The following FAM171A1 variants were observed in gnomAD, a reference collection of about 807,000 sequenced individuals.
FAM171A1 encodes protein FAM171A1.
FAM171A1 carries 23 observed loss-of-function variants against 74.9 expected under a neutral mutation model. The ratio of observed to expected loss-of-function variants is 0.31; its 90% confidence interval spans 0.22 to 0.44. The LOEUF (loss-of-function observed/expected upper bound fraction) is 0.44. FAM171A1 is among the 20% of genes least tolerant of loss of function. FAM171A1 has a pLI of 1.00. For synonymous variants in FAM171A1, 527 were observed against 505.7 expected (o/e 1.04, Z -0.57); for missense variants, 1,162 against 1,159.2 (o/e 1.00, Z -0.03).
intron 3 of FAM171A1, among the ~76,000 whole-genome samples, chr10:15,265,993 G>A (rs1056901536): frequency 2.0e-5 from 3 of 152,204 alleles, no homozygotes; most frequent in African/African-American, 4.8e-5. Context: ...GAGGTAGAAC[G>A]ACCAGCTCTG....
intron 3 of FAM171A1, among the ~76,000 whole-genome samples, chr10:15,270,104 G>A (rs539126575): frequency 1.2e-4 from 19 of 152,290 alleles, no homozygotes; most frequent in African/African-American, 2.6e-4. Flanking sequence ...GAAGCGCAAC[G>A]GGTCGGGGAA....
In FAM171A1 at chr10:15,334,359, G is replaced by A. The variant is rs540191099; in HGVS notation, c.97+36597C>T. Among the ~76,000 whole-genome samples, 3 of 152,278 alleles carry A rather than the reference G, an allele frequency of 2.0e-5. No individual in the cohort carries two copies. The East Asian group carries it at 5.8e-4, about 29-fold the overall frequency. On this transcript the variant is annotated intron_variant, in intron 1 of 7. Transcript: ENST00000378116. ...ATACTCCAGCATCACTGCTGCTCTGGGAATCAGGAGATCTGAGGGTAAATG... is the reference window on the plus strand; with the variant it reads ...ATACTCCAGCATCACTGCTGCTCTGAGAATCAGGAGATCTGAGGGTAAATG...
intron 1 of FAM171A1, among the ~76,000 whole-genome samples, chr10:15,309,189 G>T (rs1835330514): frequency 6.6e-6 from 1 of 152,068 alleles, no homozygotes; most frequent in Admixed American, 6.6e-5. Context: ...TACAAATTAG[G>T]AACAAGCAGA....
At chr10:15,280,463 T>C (rs1312215670) in intron 2 of FAM171A1, among the ~76,000 whole-genome samples, 1 of 152,154 alleles carries the variant, frequency 6.6e-6, no homozygotes, top group Non-Finnish European at 1.5e-5. Context: ...AATTAAGACG[T>C]AGAATGACAG....
At chr10:15,282,625 G>C (rs1487606239) in intron 2 of FAM171A1, among the ~76,000 whole-genome samples, 1 of 152,216 alleles carries the variant, frequency 6.6e-6, no homozygotes, top group Non-Finnish European at 1.5e-5. Context: ...TCCTGAAACA[G>C]GCAGAGACAG....
chr10:15,280,658 G>A (rs1834956451), intron 2 of FAM171A1, among the ~76,000 whole-genome samples: 1 of 152,188 alleles, frequency 6.6e-6, no homozygotes, highest in Non-Finnish European at 1.5e-5. Flanking sequence ...TCTGGGTTTC[G>A]TAAGAATGCT....
intron 1 of FAM171A1, among the ~76,000 whole-genome samples, chr10:15,302,570 C>G (rs1174600042): frequency 6.6e-6 from 1 of 150,538 alleles, no homozygotes; most frequent in Non-Finnish European, 1.5e-5. Context: ...ATGGGTCCAG[C>G]CTTTCAAGAA....
chr10:15,309,051 A>G (rs1190259420), intron 1 of FAM171A1, among the ~76,000 whole-genome samples: 1 of 152,200 alleles, frequency 6.6e-6, no homozygotes, highest in African/African-American at 2.4e-5. Flanking sequence ...ATGAACAACT[A>G]TTCCTTATTG....
At chr10:15,262,497 G>T (rs998213070) in intron 3 of FAM171A1, among the ~76,000 whole-genome samples, 3 of 152,204 alleles carry the variant, frequency 2.0e-5, no homozygotes, top group African/African-American at 7.2e-5. Context: ...ACCGGGTAGG[G>T]TGGTGAAGCT....
intron 3 of FAM171A1, among the ~76,000 whole-genome samples, chr10:15,260,008 G>T (rs1263378269): frequency 6.6e-6 from 1 of 151,672 alleles, no homozygotes; most frequent in African/African-American, 2.4e-5. Context: ...ATATTTTTTT[G>T]TAGAGATGAG....
chr10:15,303,888 G>A (rs1835262610), intron 1 of FAM171A1, among the ~76,000 whole-genome samples: 1 of 152,214 alleles, frequency 6.6e-6, no homozygotes, highest in South Asian at 2.1e-4. Context: ...GTTCACGTAT[G>A]AAAGAGATTA....
Position 15,213,622 on chromosome 10 carries a change from A to C in FAM171A1, c.1966T>G (p.Trp656Gly), listed in dbSNP as rs1397126706. Residue 656 changes from tryptophan to glycine, a missense_variant, in exon 8 of 8, where the codon TGG (tryptophan) becomes GGG (glycine). Transcript: ENST00000378116. This position sits in a 1 kb window ranked among gnomAD's most constrained non-coding sequence, Gnocchi z 6.8. ...GACATGGATGCGTTCTGAGGGCTCC[A>C]CTCCCGGGTGCCCGCATCCTGCAGG... is the stretch of plus-strand genomic sequence containing the variant. The part of the protein sequence containing the change: ...QHLQDAGTRE[W>G]SPQNASMSES... The C allele has an allele frequency of 6.2e-7, 1 of 1,613,966 alleles. No individual in the cohort carries two copies. Among genetic ancestry groups the C allele is most frequent in the African/African-American group, 1.3e-5 (1 of 74,964 alleles).
At chr10:15,296,322 G>A (rs1209592741) in intron 1 of FAM171A1, among the ~76,000 whole-genome samples, 1 of 151,916 alleles carries the variant, frequency 6.6e-6, no homozygotes, top group East Asian at 1.9e-4. Context: ...TAATCTATAT[G>A]TTATGTAACA....
rs1056333489 is a variant in FAM171A1, at chr10:15,227,007, A to G, written c.755-5947T>C. Among the ~76,000 whole-genome samples the G allele has an allele frequency of 3.9e-5, 6 of 151,998 alleles. No individual in the cohort carries two copies. In the South Asian group the frequency reaches 1.0e-3, roughly 26 times the overall value. On this transcript the variant is annotated intron_variant, in intron 5 of 7. Coordinates refer to ENST00000378116, the MANE Select transcript of FAM171A1 (RefSeq NM_001010924.2). ...AATCAGATACGGAACAGTGATACATATATTTCTTTTTAGACAGAGTCTCAT... is the reference window on the plus strand; with the variant it reads ...AATCAGATACGGAACAGTGATACATGTATTTCTTTTTAGACAGAGTCTCAT...
chr10:15,213,630 G>A lies in FAM171A1; in HGVS notation c.1958C>T (p.Thr653Ile). 6.2e-7 allele frequency: 1 copy of A among 1,614,192 alleles called. No individual in the cohort carries two copies. The highest frequency in any genetic ancestry group is 8.5e-7 in the Non-Finnish European group (1 of 1,180,042). The change falls in exon 8 of 8, where the codon ACC becomes ATC. Residue 653 changes from threonine (T) to isoleucine (I), a missense_variant. Physicochemically the swap from Thr to Ile is moderately conservative, Grantham distance 89. Transcript: ENST00000378116. This position sits in a 1 kb window ranked among gnomAD's most constrained non-coding sequence, Gnocchi z 6.8. ...TGCGTTCTGAGGGCTCCACTCCCGG[G>A]TGCCCGCATCCTGCAGGTGCTGCTG... ...ISQQHLQDAGTREWSPQNASM... is the reference protein window; with the variant it reads ...ISQQHLQDAGIREWSPQNASM...
chr10:15,317,250 C>T (rs984902762), intron 1 of FAM171A1, among the ~76,000 whole-genome samples: 2 of 152,084 alleles, frequency 1.3e-5, no homozygotes, highest in Non-Finnish European at 2.9e-5. Context: ...ACAGGGGTCG[C>T]ATTCAGCTTT....
At chr10:15,270,071 T>C (rs1483601902) in intron 3 of FAM171A1, among the ~76,000 whole-genome samples, 1 of 152,100 alleles carries the variant, frequency 6.6e-6, no homozygotes, top group Non-Finnish European at 1.5e-5. Context: ...CCACGGAGCA[T>C]GGCGGAGCAT....
intron 1 of FAM171A1, among the ~76,000 whole-genome samples, chr10:15,337,515 G>C (rs1237026652): frequency 6.6e-6 from 1 of 150,802 alleles, no homozygotes; most frequent in Non-Finnish European, 1.5e-5. Flanking sequence ...TAGGGGCCGG[G>C]TGCCGTGACT....
In FAM171A1 at chr10:15,275,235, A is replaced by G. The variant is rs540703877; in HGVS notation, c.418+620T>C. Among the ~76,000 whole-genome samples, 14 of 152,308 alleles carry G rather than the reference A, an allele frequency of 9.2e-5. No individual in the cohort carries two copies. In the South Asian group the frequency reaches 2.9e-3, roughly 32 times the overall value. On this transcript the variant is annotated intron_variant, in intron 3 of 7. Coordinates refer to ENST00000378116, the MANE Select transcript of FAM171A1 (RefSeq NM_001010924.2). ...CCTGCATGTTGTGCACATGCACCCTAGAACTTAAAGTATGATGTATAATTT... is the reference window on the plus strand; with the variant it reads ...CCTGCATGTTGTGCACATGCACCCTGGAACTTAAAGTATGATGTATAATTT...
Sources: gnomAD v4.1 joint callset for allele counts (sites outside exome capture counted in the v4.1 genomes callset) on GRCh38, gnomAD v4.1.1 for gene constraint, Gnocchi (gnomAD v3.1) non-coding constraint, MANE v1.5 for transcripts, NCBI Gene and HGNC (gene_info 2026-07-23, HGNC 2026-07-21) for gene names.